The following ASIC2 variants were observed in gnomAD, a reference collection of about 807,000 sequenced individuals.
The protein encoded by ASIC2 is acid sensing ion channel subunit 2.
ASIC2 carries 25 observed loss-of-function variants against 57.3 expected under a neutral mutation model. That is an observed-to-expected ratio of 0.44 (90% confidence interval 0.32 to 0.61). The LOEUF (loss-of-function observed/expected upper bound fraction) is 0.61, where lower values mean the gene tolerates loss of function less well. ASIC2 is among the 20% of genes least tolerant of loss of function. ASIC2 has a pLI of 0.06. For synonymous variants in ASIC2, 319 were observed against 307.5 expected (o/e 1.04, Z -0.39); for missense variants, 641 against 738.1 (o/e 0.87, Z 1.52).
rs34187408 is a variant in ASIC2 at position 33,810,874 on chromosome 17, T to TACACAC, written c.555+345098_555+345103dup. On this transcript the variant is annotated intron_variant, in intron 1 of 9. Transcript: ENST00000359872. Reference sequence around the variant, plus strand: ...CCAAAACGAACTATGCACACACACATACACACACACACACACACACACGTG... The same window carrying TACACAC: ...CCAAAACGAACTATGCACACACACATACACACACACACACACACACACACACACGTG... Among the ~76,000 whole-genome samples the TACACAC allele has an allele frequency of 8.1e-3, 1,210 of 149,958 alleles. 7 individuals are homozygous for TACACAC. Among genetic ancestry groups the TACACAC allele is most frequent in the Admixed American group, 0.017 (252 of 15,060 alleles).
chr17:33,024,927 C>T (rs1266305459), intron 5 of ASIC2, among the ~76,000 whole-genome samples: 3 of 152,168 alleles, frequency 2.0e-5, no homozygotes, highest in Non-Finnish European at 2.9e-5. Context: ...TGCAATTGCC[C>T]TGAATAAAGA....
intron 1 of ASIC2, chr17:33,976,543 A>G (rs976345643): frequency 1.3e-5 from 2 of 152,104 alleles, no homozygotes; most frequent in Admixed American, 1.3e-4. Flanking sequence ...GGCAGGGAGG[A>G]AAGTGACATT....
At chr17:33,195,763 G>T (rs2142072795) in intron 1 of ASIC2, among the ~76,000 whole-genome samples, 1 of 152,244 alleles carries the variant, frequency 6.6e-6, no homozygotes, top group Non-Finnish European at 1.5e-5. Context: ...TAGGAAGCAG[G>T]GTCATAGTTC....
intron 1 of ASIC2, among the ~76,000 whole-genome samples, chr17:34,011,505 C>A (rs1906758247): frequency 6.6e-6 from 1 of 152,152 alleles, no homozygotes; most frequent in Non-Finnish European, 1.5e-5. Flanking sequence ...TCTCAACAAC[C>A]CACAATGTGT....
intron 1 of ASIC2, among the ~76,000 whole-genome samples, chr17:33,832,500 A>C (rs2881782): frequency 0.64 from 97,966 of 151,998 alleles, 32,622 homozygotes; most frequent in African/African-American, 0.83. Flanking sequence ...TTGGAGAGAT[A>C]CACTGGCAGT....
intron 1 of ASIC2, among the ~76,000 whole-genome samples, chr17:33,445,999 G>T (rs1040685234): frequency 6.6e-6 from 1 of 151,352 alleles, no homozygotes; most frequent in Non-Finnish European, 1.5e-5. Flanking sequence ...GTCACCTTAT[G>T]TACACCTTTT....
intron 1 of ASIC2, among the ~76,000 whole-genome samples, chr17:34,012,337 A>G (rs1259495665): frequency 5.9e-5 from 9 of 152,274 alleles, no homozygotes; most frequent in Admixed American, 5.2e-4. Context: ...TTTATAGCCT[A>G]TCTCCACTAA....
chr17:34,080,687 T>C (rs1909844734), intron 1 of ASIC2, among the ~76,000 whole-genome samples: 1 of 152,298 alleles, frequency 6.6e-6, no homozygotes, highest in Non-Finnish European at 1.5e-5. Context: ...AACAAATGTG[T>C]CAGAGAACCC....
intron 1 of ASIC2, among the ~76,000 whole-genome samples, chr17:33,575,082 G>A (rs1916575423): frequency 6.6e-6 from 1 of 152,090 alleles, no homozygotes; most frequent in Non-Finnish European, 1.5e-5. Context: ...ACCAACGCCT[G>A]GCCTCCACAC....
intron 1 of ASIC2, among the ~76,000 whole-genome samples, chr17:33,351,101 A>G (rs1317307668): frequency 1.3e-5 from 2 of 152,190 alleles, no homozygotes; most frequent in Admixed American, 6.5e-5. Context: ...TGCTTATCAA[A>G]TATGTGACTT....
In ASIC2 at chr17:33,107,284, A is replaced by G. The variant is rs140146144; in HGVS notation, c.859+4633T>C. ...TTCTGTGAGCTTTTCCATGAAAACG[A>G]AGGTTTCTGTGGTCAAAGGCATTTG... On this transcript the variant is annotated intron_variant, in intron 2 of 9. Coordinates refer to ENST00000225823, the MANE Select transcript of ASIC2 (RefSeq NM_183377.2). Among the ~76,000 whole-genome samples the G allele has an allele frequency of 4.5e-4, 68 of 152,328 alleles. 1 individual carries two copies. The Middle Eastern group carries it at 0.01, about 23-fold the overall frequency.
At chr17:33,665,153 T>C (rs755089743) in intron 1 of ASIC2, among the ~76,000 whole-genome samples, 2 of 152,198 alleles carry the variant, frequency 1.3e-5, no homozygotes, top group Non-Finnish European at 2.9e-5. Context: ...GGCTTAAGCA[T>C]TTTAAGGAGA....
At chr17:33,812,959 G>T (rs1254765617) in intron 1 of ASIC2, among the ~76,000 whole-genome samples, 2 of 152,136 alleles carry the variant, frequency 1.3e-5, no homozygotes, top group African/African-American at 4.8e-5. Context: ...GTGGGAGGGG[G>T]CTTCTTATGT....
chr17:33,663,680 G>A (rs1907374319), intron 1 of ASIC2, among the ~76,000 whole-genome samples: 1 of 152,146 alleles, frequency 6.6e-6, no homozygotes, highest in Non-Finnish European at 1.5e-5. Context: ...ATAATTTAAT[G>A]CAGCAGTGGG....
chr17:33,907,998 T>G (rs1462551343), intron 1 of ASIC2, among the ~76,000 whole-genome samples: 1 of 152,192 alleles, frequency 6.6e-6, no homozygotes, highest in Non-Finnish European at 1.5e-5. Flanking sequence ...AATTTCAAGC[T>G]TCTTTCACAG....
chr17:33,594,689 G>A (rs1257066200), intron 1 of ASIC2, among the ~76,000 whole-genome samples: 12 of 152,156 alleles, frequency 7.9e-5, no homozygotes, highest in East Asian at 3.9e-4. Context: ...TTAGCCAGGC[G>A]TGCTGGCGGG....
At chr17:33,264,046 C>T (rs570823059) in intron 1 of ASIC2, among the ~76,000 whole-genome samples, 4 of 152,322 alleles carry the variant, frequency 2.6e-5, no homozygotes, top group South Asian at 2.1e-4. Context: ...CAACCTGGGC[C>T]GGCCTTTCTG....
At chr17:33,435,540 G>A (rs1368492984) in intron 1 of ASIC2, among the ~76,000 whole-genome samples, 3 of 152,054 alleles carry the variant, frequency 2.0e-5, no homozygotes, top group East Asian at 1.9e-4. Flanking sequence ...CCCCACTGCC[G>A]CCATACAAAT....
In ASIC2 at chr17:33,070,348, T is replaced by TG. The variant is rs1422353958; in HGVS notation, c.987+18514_987+18515insC. ...CCACAGTTTTCGCCATTACTTTTTT[T>TG]TTTTTTTTGAGACAGAGTCTCGCTC... On this transcript the variant is annotated intron_variant, in intron 3 of 9. Transcript: ENST00000225823. Among the ~76,000 whole-genome samples, 7 of 151,640 alleles carry TG rather than the reference T, an allele frequency of 4.6e-5. No individual in the cohort carries two copies. In the South Asian group the frequency reaches 6.3e-4, roughly 14 times the overall value.
Sources: allele counts gnomAD v4.1 joint callset (sites outside exome capture counted in the v4.1 genomes callset), GRCh38; gene constraint gnomAD v4.1.1; transcripts MANE v1.5; gene names NCBI Gene and HGNC (gene_info 2026-07-23, HGNC 2026-07-21).